KIAA0586: variants seen among roughly 807,000 people sequenced by gnomAD.
KIAA0586 encodes protein TALPID3.
KIAA0586 carries 144 observed loss-of-function variants against 169.8 expected under a neutral mutation model. The observed-to-expected ratio is 0.85, with a 90% CI of 0.74 to 0.97. The LOEUF (loss-of-function observed/expected upper bound fraction) is 0.97, where lower values mean the gene tolerates loss of function less well. KIAA0586 is among the 50% of genes least tolerant of loss of function. KIAA0586 has a pLI of 0.00. For missense variants in KIAA0586, 1,854 were observed against 1,823.0 expected, an observed-to-expected ratio of 1.02 and a Z score of -0.31; for synonymous variants, 625 against 612.4, an observed-to-expected ratio of 1.02 and a Z score of -0.30.
At position 58,547,857 on chromosome 14, in the gene KIAA0586, C is replaced by T. The variant is rs371910625; in HGVS notation, c.4572C>T (p.Leu1524=). ...CAGTGATGCTGCCGTCAGTGAACCTCGAGGACTGCTCTCAGTCTCTGAGTC... is the reference window on the plus strand; with the variant it reads ...CAGTGATGCTGCCGTCAGTGAACCTTGAGGACTGCTCTCAGTCTCTGAGTC... ...KMSVMLPSVN[L]EDCSQSLSLS... is the part of the protein sequence containing the mutation. The change falls in exon 31 of 31, where the codon CTC becomes CTT. Residue 1524 remains leucine, a synonymous_variant. Transcript: ENST00000652326. The T allele has an allele frequency of 1.2e-5, 19 of 1,613,618 alleles. No individual in the cohort carries two copies. In the Middle Eastern group the frequency reaches 4.9e-4, roughly 42 times the overall value.
chr14:58,445,859 T>C (rs1169242031), intron 6 of KIAA0586, among the ~76,000 whole-genome samples: 2 of 151,764 alleles, frequency 1.3e-5, no homozygotes, highest in South Asian at 2.1e-4. Context: ...TCCTTTTTTT[T>C]CTAATATGAA....
chr14:58,474,835 G>A (rs1465773087), intron 19 of KIAA0586, 38 bp downstream of exon 19: 3 of 1,357,340 alleles, frequency 2.2e-6, no homozygotes, highest in African/African-American at 1.5e-5. Flanking sequence ...TAGAACCATA[G>A]TAGAAAATAT....
chr14:58,464,134 GA>G, intron 14 of KIAA0586: 1 of 400,662 alleles, frequency 2.5e-6, no homozygotes. Flanking sequence ...ACTGGAAGGT[GA>G]AAACAAGATA....
At chr14:58,463,451 T>C (rs531786072) in intron 14 of KIAA0586, among the ~76,000 whole-genome samples, 86 of 152,188 alleles carry the variant, frequency 5.7e-4, no homozygotes, top group Admixed American at 2.2e-3. Context: ...ATTCATTCAA[T>C]AGAATGACTA....
intron 29 of KIAA0586, among the ~76,000 whole-genome samples, chr14:58,523,292 A>G (rs1034469713): frequency 2.6e-5 from 4 of 152,144 alleles, no homozygotes; most frequent in Admixed American, 2.6e-4. Context: ...TTAATTATAT[A>G]CTGTGTATGG....
intron 27 of KIAA0586, among the ~76,000 whole-genome samples, chr14:58,505,368 G>T (rs2043867135): frequency 1.3e-5 from 2 of 152,034 alleles, no homozygotes; most frequent in Admixed American, 1.3e-4. Flanking sequence ...TCTATTGATG[G>T]ATGTTTATTA....
chr14:58,483,856 A>G (rs2042197473), intron 21 of KIAA0586, among the ~76,000 whole-genome samples: 1 of 152,240 alleles, frequency 6.6e-6, no homozygotes, highest in Admixed American at 6.5e-5. Context: ...CATTTGATGT[A>G]TAAAGTTATA....
intron 20 of KIAA0586, among the ~76,000 whole-genome samples, chr14:58,480,839 G>T (rs895236620): frequency 1.3e-5 from 2 of 152,210 alleles, no homozygotes; most frequent in South Asian, 2.1e-4. Context: ...TCTTTGAAGG[G>T]AGGACAAAAA....
intron 27 of KIAA0586, among the ~76,000 whole-genome samples, chr14:58,502,355 G>T (rs2043630865): frequency 6.6e-6 from 1 of 152,066 alleles, no homozygotes. Flanking sequence ...GGCCAGGCAG[G>T]TCTCAAACTT....
Position 58,549,979 on chromosome 14 carries a change from A to G in KIAA0586, c.*2047A>G, listed in dbSNP as rs1938798072. The G allele has an allele frequency of 6.6e-6, 1 of 152,158 alleles. No individual in the cohort carries two copies. Among genetic ancestry groups the G allele is most frequent in the Non-Finnish European group, 1.5e-5 (1 of 68,044 alleles). The allele number at this position is 152,158 out of a possible 1,614,324, so 9.4% of individuals were successfully genotyped here. ...TGCACGTGAGCTTTTCTTTTAAAAA[A>G]AATTAGTGTCCATTCGACGGTTTCT... On this transcript the variant is annotated 3_prime_UTR_variant, in exon 31 of 31. Coordinates refer to ENST00000652326, the MANE Select transcript of KIAA0586 (RefSeq NM_001329943.3).
intron 9 of KIAA0586, among the ~76,000 whole-genome samples, chr14:58,454,153 A>AT (rs564490651): frequency 5.1e-4 from 77 of 152,152 alleles, no homozygotes; most frequent in Middle Eastern, 6.8e-3. Context: ...TGGTTGCACC[A>AT]TTTTAATTCT....
Position 58,456,801 on chromosome 14 carries a change from C to A in KIAA0586, c.1353C>A (p.Ser451Arg), listed in dbSNP as rs1358124442. The change falls in exon 10 of 31, where the codon AGC (serine) becomes AGA (arginine). Residue 451 changes from serine to arginine, a missense_variant. Coordinates refer to ENST00000652326, the MANE Select transcript of KIAA0586 (RefSeq NM_001329943.3). ...DLGQKEKETN[S>R]MVQPKESLSM... ...GCCAAAAAGAGAAAGAAACAAATAGCATGGTCCAGGTAAAGTGGGAATGGT... is the reference window on the plus strand; with the variant it reads ...GCCAAAAAGAGAAAGAAACAAATAGAATGGTCCAGGTAAAGTGGGAATGGT... 1 of 1,567,226 alleles carries A rather than the reference C, an allele frequency of 6.4e-7. No homozygotes were observed.
chr14:58,459,642 G>A (rs2040166406), intron 12 of KIAA0586, among the ~76,000 whole-genome samples: 1 of 151,862 alleles, frequency 6.6e-6, no homozygotes, highest in South Asian at 2.1e-4. Flanking sequence ...AAAGATACTA[G>A]TCTTTTTAGG....
intron 16 of KIAA0586, 87 bp from the exon 17 acceptor site, chr14:58,470,520 TACACAC>T: frequency 3.5e-5 from 23 of 651,320 alleles, no homozygotes; most frequent in Non-Finnish European, 5.4e-5. Flanking sequence ...TATATGTGTA[TACACAC>T]ACACATATAC....
rs1488768976 is a variant in KIAA0586, at chr14:58,439,415, C to T, written c.411-3291C>T. Among the ~76,000 whole-genome samples, 7 of 152,210 alleles carry T rather than the reference C, an allele frequency of 4.6e-5. No individual in the cohort carries two copies. The East Asian group carries it at 1.4e-3, about 29-fold the overall frequency. Reference sequence around the variant, plus strand: ...TGTTAGCCAGGATGGTCTCGATCTCCTGACCTCGTGATCCGCCCGCCTCAG... The same window carrying T: ...TGTTAGCCAGGATGGTCTCGATCTCTTGACCTCGTGATCCGCCCGCCTCAG... On this transcript the variant is annotated intron_variant, in intron 4 of 30. Coordinates refer to ENST00000652326, the MANE Select transcript of KIAA0586 (RefSeq NM_001329943.3).
At chr14:58,462,396 C>T (rs997445078) in intron 14 of KIAA0586, among the ~76,000 whole-genome samples, 22 of 151,814 alleles carry the variant, frequency 1.4e-4, no homozygotes, top group African/African-American at 4.8e-4. Context: ...TACAGGCATG[C>T]GCCACAATGC....
At chr14:58,454,127 T>G (rs1408011145) in intron 9 of KIAA0586, among the ~76,000 whole-genome samples, 2 of 152,222 alleles carry the variant, frequency 1.3e-5, no homozygotes, top group Non-Finnish European at 2.9e-5. Flanking sequence ...TGCCTTCTTT[T>G]GTATTAGACA....
intron 29 of KIAA0586, among the ~76,000 whole-genome samples, chr14:58,523,755 G>A (rs967652815): frequency 2.0e-5 from 3 of 146,654 alleles, no homozygotes; most frequent in African/African-American, 8.0e-5. Flanking sequence ...ATTGAGATGG[G>A]GTCTTGCTAT....
chr14:58,516,804 A>C (rs1297331693), intron 29 of KIAA0586, among the ~76,000 whole-genome samples: 1 of 152,234 alleles, frequency 6.6e-6, no homozygotes. Flanking sequence ...TATCAATGGG[A>C]TAGAATAGAG....
Sources: gnomAD v4.1 joint callset for allele counts (sites outside exome capture counted in the v4.1 genomes callset) on GRCh38, gnomAD v4.1.1 for gene constraint, MANE v1.5 for transcripts, NCBI Gene and HGNC (gene_info 2026-07-23, HGNC 2026-07-21) for gene names.